DLG2: variants seen among roughly 807,000 people sequenced by gnomAD.
DLG2 encodes discs large MAGUK scaffold protein 2, also known as disks large homolog 2.
Under a neutral mutation model 132.5 loss-of-function variants are expected in DLG2, and 45 were observed. That is an observed-to-expected ratio of 0.34 (90% CI 0.27 to 0.44). DLG2 has a LOEUF of 0.44. Ranked by LOEUF, DLG2 falls within the 20% of genes least tolerant of loss-of-function variation. The probability of loss-of-function intolerance (pLI) is 1.00; values close to 1 mark genes in which losing one functional copy is unlikely to be tolerated. For missense variants in DLG2, 1,045 were observed against 1,196.9 expected (o/e 0.87, Z 1.87); for synonymous variants, 424 against 419.6 (o/e 1.01, Z -0.13).
intron 6 of DLG2, among the ~76,000 whole-genome samples, chr11:84,552,370 C>A (rs1475979575): frequency 6.6e-6 from 1 of 152,172 alleles, no homozygotes; most frequent in Non-Finnish European, 1.5e-5. Context: ...TTTCACCAAT[C>A]TGAATTATTT....
intron 15 of DLG2, among the ~76,000 whole-genome samples, chr11:83,875,674 A>G (rs2064588459): frequency 6.6e-6 from 1 of 152,178 alleles, no homozygotes; most frequent in Non-Finnish European, 1.5e-5. Flanking sequence ...TTGAAACACT[A>G]TTTACATATA....
intron 11 of DLG2, among the ~76,000 whole-genome samples, chr11:84,010,121 A>G (rs1183484421): frequency 6.6e-6 from 1 of 152,082 alleles, no homozygotes; most frequent in African/African-American, 2.4e-5. Flanking sequence ...AAATCTAAAT[A>G]GTATGAAAAT....
intron 6 of DLG2, among the ~76,000 whole-genome samples, chr11:84,906,463 G>A (rs1001625676): frequency 3.3e-5 from 5 of 151,144 alleles, no homozygotes; most frequent in Admixed American, 6.6e-5. Context: ...CAGGGAAGAC[G>A]GGATGATGGA....
At chr11:83,639,701 T>A (rs942947282) in intron 18 of DLG2, among the ~76,000 whole-genome samples, 2 of 150,860 alleles carry the variant, frequency 1.3e-5, no homozygotes, top group Admixed American at 6.6e-5. Flanking sequence ...GGCACATGTA[T>A]ACATATGTAA....
chr11:83,679,066 T>C (rs543346482), intron 18 of DLG2, among the ~76,000 whole-genome samples: 2 of 152,180 alleles, frequency 1.3e-5, no homozygotes, highest in African/African-American at 2.4e-5. Context: ...GCAAACTCTA[T>C]TGCATACTTC....
At chr11:83,533,500 T>C (rs2095808462) in intron 20 of DLG2, among the ~76,000 whole-genome samples, 1 of 152,186 alleles carries the variant, frequency 6.6e-6, no homozygotes, top group Admixed American at 6.5e-5. Context: ...GATATCAATG[T>C]GGGAGCACCT....
chr11:84,567,210 G>A (rs940666805), intron 6 of DLG2, among the ~76,000 whole-genome samples: 3 of 152,094 alleles, frequency 2.0e-5, no homozygotes, highest in East Asian at 1.9e-4. Flanking sequence ...TGCATAAAAG[G>A]AAGGTATTGA....
At chr11:85,585,369 T>C (rs952697851) in intron 3 of DLG2, among the ~76,000 whole-genome samples, 8 of 152,176 alleles carry the variant, frequency 5.3e-5, no homozygotes, top group Admixed American at 5.2e-4. Flanking sequence ...ATATGAGCCC[T>C]ACCTAACTTT....
intron 6 of DLG2, among the ~76,000 whole-genome samples, chr11:84,787,310 T>C (rs1050600208): frequency 6.6e-6 from 1 of 152,168 alleles, no homozygotes; most frequent in Non-Finnish European, 1.5e-5. Context: ...CAGATTCCTA[T>C]GGTTTGAATT....
At chr11:85,537,215 A>C (rs2075649758) in intron 3 of DLG2, among the ~76,000 whole-genome samples, 1 of 152,172 alleles carries the variant, frequency 6.6e-6, no homozygotes. Context: ...AAAACGGACC[A>C]ATCAGCTCTC....
chr11:84,813,667 G>C (rs1477092205), intron 6 of DLG2, among the ~76,000 whole-genome samples: 1 of 152,072 alleles, frequency 6.6e-6, no homozygotes, highest in Non-Finnish European at 1.5e-5. Context: ...GCAGGTCTCA[G>C]AATGACATAG....
At chr11:84,688,438 A>C (rs956363733) in intron 6 of DLG2, among the ~76,000 whole-genome samples, 1 of 152,232 alleles carries the variant, frequency 6.6e-6, no homozygotes, top group African/African-American at 2.4e-5. Context: ...TATGTGATTC[A>C]GTTATGAAAA....
intron 18 of DLG2, 74 bp from the exon 19 acceptor site, chr11:83,633,399 G>T: frequency 1.6e-6 from 2 of 1,220,186 alleles, no homozygotes; most frequent in Non-Finnish European, 2.4e-6. Flanking sequence ...AGCCCAGGCA[G>T]CCCCTCACCC....
At chr11:84,837,353 A>C (rs2079960042) in intron 6 of DLG2, among the ~76,000 whole-genome samples, 2 of 151,768 alleles carry the variant, frequency 1.3e-5, no homozygotes, top group Admixed American at 1.3e-4. Context: ...TGTTTAAATA[A>C]GGAAGATCAC....
chr11:85,593,935 C>T (rs1044716420), intron 3 of DLG2, among the ~76,000 whole-genome samples: 8 of 151,952 alleles, frequency 5.3e-5, no homozygotes, highest in Non-Finnish European at 1.0e-4. Flanking sequence ...TGACTGTCCT[C>T]TATAGCTTAC....
intron 8 of DLG2, among the ~76,000 whole-genome samples, chr11:84,197,067 A>G (rs1415919905): frequency 1.4e-5 from 2 of 147,600 alleles, no homozygotes; most frequent in Non-Finnish European, 3.0e-5. Context: ...GAAAGAAAAG[A>G]AAAAAAAAAC....
chr11:84,743,792 T>C (rs2065002292), intron 6 of DLG2, among the ~76,000 whole-genome samples: 1 of 152,114 alleles, frequency 6.6e-6, no homozygotes, highest in Non-Finnish European at 1.5e-5. Context: ...TGGCACGATC[T>C]TGGCTCACTG....
chr11:84,395,295 G>GTCT (rs1293169111), intron 7 of DLG2, among the ~76,000 whole-genome samples: 2 of 151,866 alleles, frequency 1.3e-5, no homozygotes, highest in South Asian at 2.1e-4. Context: ...CCAATATGAA[G>GTCT]TCTTTGTGGG....
intron 19 of DLG2, among the ~76,000 whole-genome samples, chr11:83,622,273 C>T (rs556516367): frequency 2.0e-5 from 3 of 152,096 alleles, no homozygotes; most frequent in African/African-American, 4.8e-5. Flanking sequence ...CATTTTGCAC[C>T]GGGCCCCTGC....
Sources: allele counts gnomAD v4.1 joint callset (sites outside exome capture counted in the v4.1 genomes callset), GRCh38; gene constraint gnomAD v4.1.1; transcripts MANE v1.5; gene names NCBI Gene and HGNC (gene_info 2026-07-23, HGNC 2026-07-21).